The following PRRX1 variants were observed in gnomAD, a reference collection of about 807,000 sequenced individuals.
PRRX1 encodes paired mesoderm homeobox protein 1.
PRRX1 carries 8 observed loss-of-function variants against 24.0 expected under a neutral mutation model. The ratio of observed to expected loss-of-function variants is 0.33; its 90% CI spans 0.20 to 0.60. The LOEUF (loss-of-function observed/expected upper bound fraction) is 0.60. PRRX1 is among the 20% of genes least tolerant of loss of function. The probability of loss-of-function intolerance (pLI) is 0.82; values close to 1 mark genes in which losing one functional copy is unlikely to be tolerated. For missense variants in PRRX1, 281 were observed against 322.4 expected (o/e 0.87, Z 0.98); for synonymous variants, 160 against 131.7 (o/e 1.22, Z -1.47).
chr1:170,689,884 G>C (rs1653878991), intron 1 of PRRX1, among the ~76,000 whole-genome samples: 2 of 150,414 alleles, frequency 1.3e-5, no homozygotes, highest in African/African-American at 2.5e-5. Flanking sequence ...CTGTGGGTGT[G>C]TGTGTGTGCG....
chr1:170,689,855 T>C (rs1278959574), intron 1 of PRRX1, among the ~76,000 whole-genome samples: 13 of 150,530 alleles, frequency 8.6e-5, no homozygotes, highest in East Asian at 1.9e-4. Context: ...TCTCTCTCTC[T>C]CTCTCTCTCT....
chr1:170,737,870 C>T lies in PRRX1; in HGVS notation c.*1684C>T. ...GCTCCTTTATTCTTTCCTGTATTCT[C>T]TGTATGTCCAGCACTTTGTAGCCAT... is the stretch of plus-strand genomic sequence containing the variant. On this transcript the variant is annotated 3_prime_UTR_variant, in exon 4 of 4. Coordinates refer to ENST00000239461, the MANE Select transcript of PRRX1 (RefSeq NM_022716.4). The T allele has an allele frequency of 4.6e-6, 1 of 215,766 alleles. No individual in the cohort carries two copies. Among genetic ancestry groups the T allele is most frequent in the Non-Finnish European group, 9.4e-6 (1 of 106,744 alleles). The allele number at this position is 215,766 out of a possible 1,614,324, so 13.4% of individuals were successfully genotyped here.
intron 1 of PRRX1, among the ~76,000 whole-genome samples, chr1:170,706,627 G>T (rs1342201874): frequency 6.6e-6 from 1 of 152,126 alleles, no homozygotes; most frequent in Non-Finnish European, 1.5e-5. Flanking sequence ...ACATTGAATT[G>T]CTGAAAATGT....
intron 1 of PRRX1, among the ~76,000 whole-genome samples, chr1:170,703,357 C>A (rs969850933): frequency 1.3e-5 from 2 of 151,946 alleles, no homozygotes; most frequent in African/African-American, 4.8e-5. Context: ...GTCTCCTCAT[C>A]TGCAAGACCT....
At chr1:170,703,620 T>G (rs951676344) in intron 1 of PRRX1, among the ~76,000 whole-genome samples, 4 of 151,954 alleles carry the variant, frequency 2.6e-5, no homozygotes, top group African/African-American at 9.7e-5. Flanking sequence ...TCATCTTACT[T>G]GAACCTCACA....
intron 1 of PRRX1, among the ~76,000 whole-genome samples, chr1:170,691,835 G>A (rs1460177806): frequency 6.6e-6 from 1 of 152,004 alleles, no homozygotes; most frequent in Non-Finnish European, 1.5e-5. Context: ...CCTGTGCTCT[G>A]GGTTGTGGTC....
intron 1 of PRRX1, among the ~76,000 whole-genome samples, chr1:170,715,180 C>T (rs1654868464): frequency 1.3e-5 from 2 of 152,040 alleles, no homozygotes; most frequent in Admixed American, 1.3e-4. Flanking sequence ...TAAAACTATC[C>T]AGAGACAAAA....
chr1:170,688,754 T>C (rs1201125150), intron 1 of PRRX1, among the ~76,000 whole-genome samples: 1 of 152,150 alleles, frequency 6.6e-6, no homozygotes, highest in Non-Finnish European at 1.5e-5. Flanking sequence ...ATTGTGACAC[T>C]TGAAGAGTTT....
intron 1 of PRRX1, among the ~76,000 whole-genome samples, chr1:170,665,710 G>C (rs1463082887): frequency 6.6e-6 from 1 of 152,214 alleles, no homozygotes; most frequent in Non-Finnish European, 1.5e-5. Context: ...TGGTGGCCCC[G>C]CGGGCCACGC....
In PRRX1 at chr1:170,705,685, A is replaced by G. The variant is rs186901570; in HGVS notation, c.242-14041A>G. Among the ~76,000 whole-genome samples the G allele has an allele frequency of 2.7e-3, 408 of 152,278 alleles. 9 individuals carry two copies. Among genetic ancestry groups the G allele is most frequent in the Admixed American group, 0.023 (347 of 15,288 alleles). ...CTGGGAGCTCCTACCAGAAACTACT[A>G]TGTCAAAGTGAGCTAGCAGATACAG... is the stretch of plus-strand genomic sequence containing the variant. On this transcript the variant is annotated intron_variant, in intron 1 of 3. Transcript: ENST00000239461.
intron 1 of PRRX1, chr1:170,667,310 G>GCACACACACACACACACA (rs35009775): frequency 6.7e-6 from 1 of 149,848 alleles, no homozygotes. Context: ...GCGCGCGCGC[G>GCACACACACACACACACA]CACACACACA....
chr1:170,664,090 T>A, upstream of PRRX1: 1 of 562,568 alleles, frequency 1.8e-6, no homozygotes, highest in Non-Finnish European at 2.8e-6. Flanking sequence ...TCTTCCTCCC[T>A]CTCTCTCTCT....
At chr1:170,715,259 AC>A (rs1228953085) in intron 1 of PRRX1, among the ~76,000 whole-genome samples, 2 of 151,980 alleles carry the variant, frequency 1.3e-5, no homozygotes, top group Non-Finnish European at 2.9e-5. Flanking sequence ...GTCCTTTAAA[AC>A]TTTAAATAAA....
chr1:170,712,594 A>G (rs1571339545), intron 1 of PRRX1, among the ~76,000 whole-genome samples: 1 of 152,220 alleles, frequency 6.6e-6, no homozygotes, highest in Non-Finnish European at 1.5e-5. Context: ...TAGCACTGGT[A>G]GAAGTAAAAT....
chr1:170,726,193 C>G, intron 2 of PRRX1, 27 bp from the exon 3 acceptor site: 3 of 1,602,366 alleles, frequency 1.9e-6, no homozygotes, highest in African/African-American at 1.3e-5. Context: ...TTTCCTTATG[C>G]CTTCTTGCCT....
intron 1 of PRRX1, among the ~76,000 whole-genome samples, chr1:170,678,956 T>C (rs1441442995): frequency 6.6e-6 from 1 of 152,324 alleles, no homozygotes; most frequent in African/African-American, 2.4e-5. Flanking sequence ...CCAAAGTATA[T>C]GCATATTAAA....
chr1:170,678,198 T>C (rs2101889714), intron 1 of PRRX1, among the ~76,000 whole-genome samples: 1 of 152,362 alleles, frequency 6.6e-6, no homozygotes, highest in East Asian at 1.9e-4. Flanking sequence ...ATTTGATATG[T>C]GACCTGTTTT....
chr1:170,697,084 A>C (rs749241489), intron 1 of PRRX1, among the ~76,000 whole-genome samples: 1 of 152,178 alleles, frequency 6.6e-6, no homozygotes, highest in Non-Finnish European at 1.5e-5. Flanking sequence ...TCATACATGA[A>C]TAGAGCCACT....
chr1:170,704,371 A>G (rs1458079831), intron 1 of PRRX1, among the ~76,000 whole-genome samples: 2 of 152,208 alleles, frequency 1.3e-5, no homozygotes, highest in Non-Finnish European at 2.9e-5. Flanking sequence ...ATAGATTTCT[A>G]CTTATTTTTC....
Sources: gnomAD v4.1 joint callset for allele counts (sites outside exome capture counted in the v4.1 genomes callset) on GRCh38, gnomAD v4.1.1 for gene constraint, MANE v1.5 for transcripts, NCBI Gene and HGNC (gene_info 2026-07-23, HGNC 2026-07-21) for gene names.